TAF3: variants seen among roughly 807,000 people sequenced by gnomAD.
TAF3 encodes the protein transcription initiation factor TFIID subunit 3.
TAF3 carries 7 observed loss-of-function variants against 80.6 expected under a neutral mutation model. That is an observed-to-expected ratio of 0.09 (90% CI 0.05 to 0.16). TAF3 has a LOEUF of 0.16. Among genes scored for constraint, TAF3 ranks in the 10% least tolerant of loss-of-function variants. The probability of loss-of-function intolerance (pLI) is 1.00; values close to 1 mark genes in which losing one functional copy is unlikely to be tolerated. For synonymous variants in TAF3, 444 were observed against 446.1 expected (o/e 1.00, Z 0.06); for missense variants, 921 against 1,140.2 (o/e 0.81, Z 2.77).
intron 2 of TAF3, among the ~76,000 whole-genome samples, chr10:7,856,211 G>T (rs1165145237): frequency 6.6e-6 from 1 of 152,130 alleles, no homozygotes; most frequent in African/African-American, 2.4e-5. Context: ...TTGGCTGGGC[G>T]CAGTGGCTCA....
In TAF3 at chr10:7,913,427, T is replaced by G. The variant is rs762471103; in HGVS notation, c.410-50493T>G. Among the ~76,000 whole-genome samples the G allele has an allele frequency of 2.2e-4, 34 of 152,352 alleles. 1 individual carries two copies. The highest frequency in any genetic ancestry group is 7.3e-5 in the Non-Finnish European group (5 of 68,032). ...GGCAATACTTTGCAGCCTTTTTCTA[T>G]GCCCTTTTCTCATAAGTAATAGAAA... On this transcript the variant is annotated intron_variant, in intron 2 of 6. Coordinates refer to ENST00000344293, the MANE Select transcript of TAF3 (RefSeq NM_031923.4).
intron 4 of TAF3, among the ~76,000 whole-genome samples, chr10:7,986,147 T>G (rs760465928): frequency 1.3e-5 from 2 of 152,130 alleles, no homozygotes; most frequent in African/African-American, 2.4e-5. Flanking sequence ...TTTTTCCCCC[T>G]TCTTTTCTTT....
chr10:7,854,398 G>A (rs990198082), intron 2 of TAF3, among the ~76,000 whole-genome samples: 1 of 152,174 alleles, frequency 6.6e-6, no homozygotes, highest in Non-Finnish European at 1.5e-5. Flanking sequence ...TGTTATGCGA[G>A]CCGCAGCGAG....
At chr10:7,843,699 T>C (rs1836941704) in intron 2 of TAF3, among the ~76,000 whole-genome samples, 1 of 151,496 alleles carries the variant, frequency 6.6e-6, no homozygotes, top group Non-Finnish European at 1.5e-5. Context: ...TGTTGCTTAA[T>C]TATTGATATT....
intron 2 of TAF3, among the ~76,000 whole-genome samples, chr10:7,943,905 A>C (rs1040234443): frequency 2.0e-5 from 3 of 152,162 alleles, no homozygotes; most frequent in Non-Finnish European, 4.4e-5. Flanking sequence ...AATTTCTAAA[A>C]AATCATTACC....
chr10:7,978,816 C>T (rs1305228013), intron 4 of TAF3, among the ~76,000 whole-genome samples: 2 of 152,244 alleles, frequency 1.3e-5, no homozygotes, highest in Non-Finnish European at 2.9e-5. Flanking sequence ...CTCACCATTA[C>T]TTAATCTTGA....
intron 3 of TAF3, among the ~76,000 whole-genome samples, chr10:7,975,676 A>G (rs1831665892): frequency 6.6e-6 from 1 of 152,216 alleles, no homozygotes; most frequent in Non-Finnish European, 1.5e-5. Context: ...GGAGCTGTCG[A>G]AGCAGTAGAT....
chr10:7,828,364 A>G (rs1039841789), intron 2 of TAF3, among the ~76,000 whole-genome samples: 9 of 152,222 alleles, frequency 5.9e-5, no homozygotes, highest in African/African-American at 2.2e-4. Context: ...GATTATCCGC[A>G]GTGTGAAGAT....
rs1327513806 is a variant in TAF3 at position 7,909,806 on chromosome 10, A to G, written c.410-54114A>G. ...ATCAACAGAGCCAGGAGTTGAGCCT[A>G]TAACATTGAAACCTTTATTCTTCCT... On this transcript the variant is annotated intron_variant, in intron 2 of 6. Coordinates refer to ENST00000344293, the MANE Select transcript of TAF3 (RefSeq NM_031923.4). 2.6e-5 allele frequency among the ~76,000 whole-genome samples: 4 copies of G among 152,180 alleles called. No homozygotes were observed. In the East Asian group the frequency reaches 7.7e-4, roughly 29 times the overall value.
intron 1 of TAF3, among the ~76,000 whole-genome samples, chr10:7,823,635 T>TC (rs1836711156): frequency 3.3e-5 from 1 of 30,078 alleles, no homozygotes; most frequent in African/African-American, 1.2e-4. Flanking sequence ...ATGCCATCTC[T>TC]TTTTTTTTTT....
At chr10:7,956,080 A>C (rs540750431) in intron 2 of TAF3, among the ~76,000 whole-genome samples, 5 of 152,362 alleles carry the variant, frequency 3.3e-5, no homozygotes, top group African/African-American at 1.2e-4. Flanking sequence ...TAATTATATT[A>C]ATAGATGTAG....
At chr10:7,888,884 T>C (rs1837434421) in intron 2 of TAF3, among the ~76,000 whole-genome samples, 1 of 152,212 alleles carries the variant, frequency 6.6e-6, no homozygotes, top group South Asian at 2.1e-4. Flanking sequence ...AGTAGAGTTT[T>C]TCTTCTCTAC....
intron 2 of TAF3, among the ~76,000 whole-genome samples, chr10:7,881,485 AC>A (rs1837361282): frequency 7.5e-6 from 1 of 133,332 alleles, no homozygotes; most frequent in Non-Finnish European, 1.7e-5. Flanking sequence ...ACACACATAC[AC>A]ACAAACACAC....
chr10:7,956,520 G>A (rs1838137628), intron 2 of TAF3, among the ~76,000 whole-genome samples: 1 of 152,074 alleles, frequency 6.6e-6, no homozygotes, highest in African/African-American at 2.4e-5. Context: ...TAATTTTACA[G>A]TCAAATGTTG....
chr10:7,839,694 T>C (rs1836890687), intron 2 of TAF3, among the ~76,000 whole-genome samples: 1 of 148,742 alleles, frequency 6.7e-6, no homozygotes, highest in Non-Finnish European at 1.5e-5. Context: ...GTACAATTAT[T>C]TTTTTTTTAA....
Position 8,007,538 on chromosome 10 carries a change from AT to A in TAF3, c.2316-1539del, listed in dbSNP as rs796535778. 1.6e-3 allele frequency among the ~76,000 whole-genome samples: 214 copies of A among 133,844 alleles called. 2 individuals are homozygous for A. Among genetic ancestry groups the A allele is most frequent in the African/African-American group, 5.8e-3 (201 of 34,414 alleles). The allele number at this position is 133,844 out of a possible 152,430, so 87.8% of individuals were successfully genotyped here. A position where few individuals can be genotyped will look rare whatever the true frequency, so the allele number is the denominator to read the frequency against. ...TCTGATTATTACCTAACTGTCTGTT[AT>A]ATTGTTTTCTCTGTGTGTGAAATTA... On this transcript the variant is annotated intron_variant, in intron 4 of 6. Coordinates refer to ENST00000344293, the MANE Select transcript of TAF3 (RefSeq NM_031923.4).
At chr10:7,948,198 G>A (rs1026982531) in intron 2 of TAF3, among the ~76,000 whole-genome samples, 1 of 151,134 alleles carries the variant, frequency 6.6e-6, no homozygotes, top group East Asian at 1.9e-4. Flanking sequence ...GAGTAGCTGG[G>A]TCCACAGGTG....
At chr10:7,867,078 G>A (rs1164999662) in intron 2 of TAF3, among the ~76,000 whole-genome samples, 3 of 152,058 alleles carry the variant, frequency 2.0e-5, no homozygotes, top group African/African-American at 7.2e-5. Context: ...GGTGAACATG[G>A]CGAAACCCCA....
chr10:7,844,782 T>A (rs1184124615), intron 2 of TAF3, among the ~76,000 whole-genome samples: 1 of 152,188 alleles, frequency 6.6e-6, no homozygotes, highest in South Asian at 2.1e-4. Context: ...TATTCAGCAT[T>A]ATTTATGTTC....
Sources: gnomAD v4.1 joint callset for allele counts (sites outside exome capture counted in the v4.1 genomes callset) on GRCh38, gnomAD v4.1.1 for gene constraint, MANE v1.5 for transcripts, NCBI Gene and HGNC (gene_info 2026-07-23, HGNC 2026-07-21) for gene names.